Variants in SBF2 observed in about 807,000 individuals in gnomAD.
The protein encoded by SBF2 is myotubularin-related protein 13.
SBF2 carries 112 observed loss-of-function variants against 225.2 expected under a neutral mutation model. The ratio of observed to expected loss-of-function variants is 0.50; its 90% CI spans 0.43 to 0.58. The LOEUF (loss-of-function observed/expected upper bound fraction) is 0.58. Ranked by LOEUF, SBF2 falls within the 20% of genes least tolerant of loss-of-function variation. The pLI, the probability that SBF2 is intolerant of heterozygous loss-of-function variation, is 0.00. For synonymous variants in SBF2, 763 were observed against 773.3 expected (o/e 0.99, Z 0.22); for missense variants, 1,996 against 2,206.2 (o/e 0.90, Z 1.91).
At chr11:9,985,284 A>G (rs1947149307) in intron 13 of SBF2, among the ~76,000 whole-genome samples, 1 of 152,212 alleles carries the variant, frequency 6.6e-6, no homozygotes, top group African/African-American at 2.4e-5. Flanking sequence ...AATGAACACC[A>G]GAAGCGAGCA....
chr11:9,853,592 T>C lies in SBF2; in HGVS notation c.2484A>G (p.Thr828=), dbSNP rs756352015. The C allele has an allele frequency of 3.1e-6, 5 of 1,614,050 alleles. No individual in the cohort carries two copies. Among genetic ancestry groups the C allele is most frequent in the Non-Finnish European group, 4.2e-6 (5 of 1,179,944 alleles). The change falls in exon 20 of 40, where the codon ACA becomes ACG. Residue 828 remains threonine, a synonymous_variant. Coordinates refer to ENST00000256190, the MANE Select transcript of SBF2 (RefSeq NM_030962.4). ...TGTGATCCTGAGTAACTCCACTCTCTGTACAAACTTTGTCAATAAATCGGG... is the reference window on the plus strand; with the variant it reads ...TGTGATCCTGAGTAACTCCACTCTCCGTACAAACTTTGTCAATAAATCGGG... ...FITRFIDKVC[T]ESGVTQDHIK...
intron 1 of SBF2, among the ~76,000 whole-genome samples, chr11:10,219,421 T>C (rs1269754064): frequency 6.6e-6 from 1 of 152,190 alleles, no homozygotes; most frequent in African/African-American, 2.4e-5. Flanking sequence ...GAAACCATTT[T>C]TCTTCTCCTA....
intron 2 of SBF2, among the ~76,000 whole-genome samples, chr11:10,138,028 A>AATAAATTT (rs1954465757): frequency 6.6e-6 from 1 of 151,910 alleles, no homozygotes; most frequent in South Asian, 2.1e-4. Flanking sequence ...TAAATAAATA[A>AATAAATTT]ATTTCTATTT....
intron 2 of SBF2, among the ~76,000 whole-genome samples, chr11:10,120,339 C>G (rs1360621795): frequency 6.6e-6 from 1 of 152,140 alleles, no homozygotes; most frequent in Admixed American, 6.5e-5. Flanking sequence ...TGACAGACAT[C>G]TGGGTTGCTT....
intron 2 of SBF2, among the ~76,000 whole-genome samples, chr11:10,053,682 G>A (rs1950141576): frequency 6.6e-6 from 1 of 151,906 alleles, no homozygotes. Flanking sequence ...TTGAGCCTAG[G>A]CATAAGAGGC....
chr11:10,087,593 G>A (rs1951623142), intron 2 of SBF2, among the ~76,000 whole-genome samples: 1 of 152,120 alleles, frequency 6.6e-6, no homozygotes, highest in Non-Finnish European at 1.5e-5. Context: ...ATCTTGTTTA[G>A]ACAGGTTTTA....
chr11:10,164,077 G>C (rs931588515), intron 2 of SBF2, among the ~76,000 whole-genome samples: 1 of 152,138 alleles, frequency 6.6e-6, no homozygotes, highest in Non-Finnish European at 1.5e-5. Context: ...TGGTGCCTCA[G>C]TGCATTCCAT....
At chr11:10,002,170 T>C (rs1198014177) in intron 7 of SBF2, among the ~76,000 whole-genome samples, 1 of 152,184 alleles carries the variant, frequency 6.6e-6, no homozygotes, top group Non-Finnish European at 1.5e-5. Flanking sequence ...AGATGTCATA[T>C]TGTTTACCCA....
intron 2 of SBF2, among the ~76,000 whole-genome samples, chr11:10,193,643 C>T (rs544413956): frequency 1.3e-4 from 20 of 152,108 alleles, no homozygotes; most frequent in African/African-American, 3.4e-4. Flanking sequence ...TGAGCCACCG[C>T]GCCTGGCCCT....
intron 2 of SBF2, among the ~76,000 whole-genome samples, chr11:10,158,415 A>G (rs980853888): frequency 5.3e-5 from 8 of 152,120 alleles, no homozygotes; most frequent in Non-Finnish European, 8.8e-5. Context: ...TGAAAAGACA[A>G]GCAAAATTGA....
intron 2 of SBF2, among the ~76,000 whole-genome samples, chr11:10,132,586 T>C (rs1297973044): frequency 6.7e-6 from 1 of 148,566 alleles, no homozygotes. Context: ...GTGGTCTCGC[T>C]GGGCTCAGGA....
chr11:10,287,708 T>C (rs1217898812), intron 1 of SBF2, among the ~76,000 whole-genome samples: 1 of 152,236 alleles, frequency 6.6e-6, no homozygotes, highest in Non-Finnish European at 1.5e-5. Context: ...TTATGGGATC[T>C]TTAGGGTGTC....
chr11:10,090,252 T>G (rs556290217), intron 2 of SBF2, among the ~76,000 whole-genome samples: 1 of 152,208 alleles, frequency 6.6e-6, no homozygotes, highest in African/African-American at 2.4e-5. Flanking sequence ...TGGGGATGGA[T>G]AGCAGTGCTG....
At chr11:9,898,393 G>T (rs1439912360) in intron 16 of SBF2, among the ~76,000 whole-genome samples, 1 of 152,178 alleles carries the variant, frequency 6.6e-6, no homozygotes, top group Non-Finnish European at 1.5e-5. Flanking sequence ...TTATAAGGCT[G>T]GGCACGGTGG....
Position 10,247,799 on chromosome 11 carries a change from T to G in SBF2, c.55+46216A>C, listed in dbSNP as rs112109143. 1.9e-3 allele frequency among the ~76,000 whole-genome samples: 288 copies of G among 152,244 alleles called. 1 individual carries two copies. The highest frequency in any genetic ancestry group is 6.4e-3 in the African/African-American group (266 of 41,540). On this transcript the variant is annotated intron_variant, in intron 1 of 39. Transcript: ENST00000256190. Reference sequence around the variant, plus strand: ...TCATCCTCCTCACAGGAACACCAAATTGAACAACTATCCACAGAAGAAAAC... The same window carrying G: ...TCATCCTCCTCACAGGAACACCAAAGTGAACAACTATCCACAGAAGAAAAC...
intron 3 of SBF2, among the ~76,000 whole-genome samples, chr11:10,035,794 G>C (rs963864293): frequency 1.3e-5 from 2 of 152,154 alleles, no homozygotes; most frequent in Admixed American, 1.3e-4. Context: ...GGAGAAACAG[G>C]AATGCTTTTA....
intron 2 of SBF2, among the ~76,000 whole-genome samples, chr11:10,081,446 T>A (rs894569368): frequency 2.2e-4 from 34 of 152,054 alleles, no homozygotes; most frequent in African/African-American, 7.7e-4. Context: ...GAGGGAAATT[T>A]ATAACATTAA....
At chr11:9,847,167 G>T (rs1564910127) in intron 22 of SBF2, 84 bp from the exon 23 acceptor site, 1 of 1,529,862 alleles carries the variant, frequency 6.5e-7, no homozygotes, top group East Asian at 2.2e-5. Context: ...ATCAGTCTCT[G>T]CTAGAGAAAT....
At chr11:10,138,002 A>AAAAT (rs79609358) in intron 2 of SBF2, among the ~76,000 whole-genome samples, 10,566 of 150,620 alleles carry the variant, frequency 0.07, 425 homozygotes, top group Middle Eastern at 0.15. Flanking sequence ...TCCATCTCCA[A>AAAAT]AAATAAATAA....
Sources: allele counts gnomAD v4.1 joint callset (sites outside exome capture counted in the v4.1 genomes callset), GRCh38; gene constraint gnomAD v4.1.1; transcripts MANE v1.5; gene names NCBI Gene and HGNC (gene_info 2026-07-23, HGNC 2026-07-21).